Variants in C12orf50 observed in about 807,000 individuals in gnomAD.
C12orf50 encodes uncharacterized protein C12orf50.
In C12orf50, 35 loss-of-function variants were observed where a neutral mutation model predicts 61.6. The observed-to-expected ratio is 0.57, with a 90% CI of 0.43 to 0.75. C12orf50 has a LOEUF of 0.75. Among genes scored for constraint, C12orf50 ranks in the 30% least tolerant of loss-of-function variants. The pLI is 0.00. For missense variants in C12orf50, 475 were observed against 488.5 expected, an observed-to-expected ratio of 0.97 and a Z score of 0.26; for synonymous variants, 178 against 161.5, an observed-to-expected ratio of 1.10 and a Z score of -0.77.
At chr12:88,004,871 G>A (rs2031795117) in intron 3 of C12orf50, among the ~76,000 whole-genome samples, 1 of 152,046 alleles carries the variant, frequency 6.6e-6, no homozygotes, top group Non-Finnish European at 1.5e-5. Context: ...ACAGACACTG[G>A]GTCCAACTTG....
At chr12:88,005,945 C>CT (rs2031856501) in intron 3 of C12orf50, among the ~76,000 whole-genome samples, 1 of 114,146 alleles carries the variant, frequency 8.8e-6, no homozygotes, top group Non-Finnish European at 1.6e-5. Context: ...GAGACGGAGT[C>CT]TTGCTCAGTC....
chr12:88,024,658 C>A (rs1482309951), intron 3 of C12orf50, among the ~76,000 whole-genome samples: 3 of 152,122 alleles, frequency 2.0e-5, no homozygotes, highest in Non-Finnish European at 4.4e-5. Context: ...GAAAAAATAT[C>A]TATCAGATAG....
At chr12:87,997,073 A>T (rs1490551445) in intron 4 of C12orf50, among the ~76,000 whole-genome samples, 1 of 152,130 alleles carries the variant, frequency 6.6e-6, no homozygotes, top group Non-Finnish European at 1.5e-5. Context: ...GTTTTTCTTC[A>T]TGTTTATCTT....
chr12:88,026,359 C>T, intron 3 of C12orf50, 129 bp downstream of exon 3: 2 of 1,013,552 alleles, frequency 2.0e-6, no homozygotes, highest in South Asian at 1.9e-5. Context: ...AGAATCATTC[C>T]AAATTACCCA....
intron 1 of C12orf50, chr12:88,028,958 G>T (rs1051427233): frequency 2.3e-6 from 1 of 439,430 alleles, no homozygotes; most frequent in Non-Finnish European, 3.5e-6. Flanking sequence ...AAGATATCTT[G>T]CAAGAAAATA....
chr12:87,985,672 C>G, intron 11 of C12orf50, 178 bp downstream of exon 11: 1 of 655,592 alleles, frequency 1.5e-6, no homozygotes, highest in Non-Finnish European at 2.7e-6. Flanking sequence ...CTTCCATATC[C>G]TTTAAATCAT....
chr12:88,023,877 A>G (rs2032609492), intron 3 of C12orf50, among the ~76,000 whole-genome samples: 1 of 152,184 alleles, frequency 6.6e-6, no homozygotes, highest in African/African-American at 2.4e-5. Context: ...GAGAAAAAAT[A>G]TTTGCAAACT....
chr12:88,023,359 A>G (rs775564870), intron 3 of C12orf50, among the ~76,000 whole-genome samples: 2 of 152,074 alleles, frequency 1.3e-5, no homozygotes, highest in African/African-American at 2.4e-5. Context: ...AAATTCACTC[A>G]AGATAGATTA....
chr12:88,000,477 G>A (rs1009160304), intron 3 of C12orf50, among the ~76,000 whole-genome samples: 1 of 152,002 alleles, frequency 6.6e-6, no homozygotes, highest in Non-Finnish European at 1.5e-5. Context: ...GGAAGTGTAA[G>A]TCCTCCAAAT....
chr12:87,982,779 C>T (rs1188757715), intron 12 of C12orf50, among the ~76,000 whole-genome samples: 1 of 148,930 alleles, frequency 6.7e-6, no homozygotes, highest in Non-Finnish European at 1.5e-5. Context: ...CAGTTTTACA[C>T]ATTTGCTTCG....
At chr12:87,980,774 A>G (rs2030423831) in intron 12 of C12orf50, among the ~76,000 whole-genome samples, 1 of 152,138 alleles carries the variant, frequency 6.6e-6, no homozygotes, top group African/African-American at 2.4e-5. Flanking sequence ...AGACATGTGC[A>G]TTCTCCTCTA....
Position 87,998,026 on chromosome 12 carries a change from T to G in C12orf50, c.289+9A>C, listed in dbSNP as rs2031488800. 6 of 1,602,386 alleles carry G rather than the reference T, an allele frequency of 3.7e-6. No homozygotes were observed. The highest frequency in any genetic ancestry group is 1.3e-5 in the African/African-American group (1 of 74,478). ...TGTGTATTGTAAACCTGAAAAAAGT[T>G]CTACTAACCATTTTGTTCATCTACT... On this transcript the variant is annotated intron_variant, in intron 4 of 12. Transcript: ENST00000298699.
In C12orf50 at chr12:87,986,058, A is replaced by T; in HGVS notation, c.923-5T>A. On this transcript the variant is annotated splice_polypyrimidine_tract_variant and splice_region_variant and intron_variant, in intron 10 of 12. Transcript: ENST00000298699. The stretch of plus-strand genomic sequence containing the variant: ...GGGGTCTTGGGGCCTGTACTGCTGT[A>T]AAGAAAGGTGGGAGGGAGTGAGGAA... 6.2e-7 allele frequency: 1 copy of T among 1,613,090 alleles called. No individual in the cohort carries two copies. The highest frequency in any genetic ancestry group is 8.5e-7 in the Non-Finnish European group (1 of 1,179,242).
At chr12:87,998,825 T>C (rs2031531947) in intron 3 of C12orf50, among the ~76,000 whole-genome samples, 1 of 152,138 alleles carries the variant, frequency 6.6e-6, no homozygotes, top group African/African-American at 2.4e-5. Context: ...GCTCAGCTGA[T>C]TTTCAAAAAG....
At chr12:87,997,792 A>G (rs7956752) in intron 4 of C12orf50, among the ~76,000 whole-genome samples, 11 of 152,002 alleles carry the variant, frequency 7.2e-5, no homozygotes, top group African/African-American at 2.7e-4. Context: ...GAAGCACCTA[A>G]ATATACTTAA....
chr12:87,994,435 T>C (rs545683975), intron 7 of C12orf50, among the ~76,000 whole-genome samples, 198 bp downstream of exon 7: 2 of 152,212 alleles, frequency 1.3e-5, no homozygotes, highest in South Asian at 4.1e-4. Context: ...GAATGTCTTA[T>C]ACACTGAACA....
intron 8 of C12orf50, among the ~76,000 whole-genome samples, chr12:87,989,047 T>G (rs1451566614): frequency 6.6e-6 from 1 of 152,010 alleles, no homozygotes; most frequent in Non-Finnish European, 1.5e-5. Context: ...ATACTAGAAA[T>G]TATACAGTCC....
At chr12:88,004,388 A>T (rs1029863931) in intron 3 of C12orf50, among the ~76,000 whole-genome samples, 26 of 152,182 alleles carry the variant, frequency 1.7e-4, no homozygotes, top group African/African-American at 5.3e-4. Flanking sequence ...TTAAAAAGCT[A>T]AAAAAATAGC....
rs115701923 is a variant in C12orf50 at position 88,019,297 on chromosome 12, C to T, written c.133+7191G>A. The stretch of plus-strand genomic sequence containing the variant: ...CTGCACAAACTCTCTTTCTTTGCTG[C>T]TGCCATCCATGTAAGACGTGACTTT... On this transcript the variant is annotated intron_variant, in intron 3 of 12. Coordinates refer to ENST00000298699, the MANE Select transcript of C12orf50 (RefSeq NM_152589.3). Among the ~76,000 whole-genome samples the T allele has an allele frequency of 5.8e-3, 878 of 152,266 alleles. 10 individuals carry two copies. Among genetic ancestry groups the T allele is most frequent in the African/African-American group, 0.021 (852 of 41,556 alleles).
Sources: gnomAD v4.1 joint callset for allele counts (sites outside exome capture counted in the v4.1 genomes callset) on GRCh38, gnomAD v4.1.1 for gene constraint, MANE v1.5 for transcripts, NCBI Gene and HGNC (gene_info 2026-07-23, HGNC 2026-07-21) for gene names.